Variants in FBN2 observed in about 807,000 individuals in gnomAD.
The protein encoded by FBN2 is fibrillin-2.
A neutral mutation model predicts 355.6 loss-of-function variants in FBN2; 105 were observed. That is an observed-to-expected ratio of 0.30 (90% CI 0.25 to 0.35). The LOEUF is 0.35. FBN2 is among the 10% of genes least tolerant of loss of function. The pLI is 1.00. For missense variants in FBN2, 3,280 were observed against 3,758.7 expected (o/e 0.87, Z 3.33); for synonymous variants, 1,350 against 1,301.2 (o/e 1.04, Z -0.81).
intron 7 of FBN2, among the ~76,000 whole-genome samples, chr5:128,433,982 T>TG (rs1324383123): frequency 2.6e-5 from 4 of 152,138 alleles, no homozygotes; most frequent in African/African-American, 9.7e-5. Context: ...ATTGATTTTG[T>TG]GTCTTCTAAA....
At chr5:128,398,678 T>G (rs538323330) in intron 8 of FBN2, among the ~76,000 whole-genome samples, 17 of 152,148 alleles carry the variant, frequency 1.1e-4, no homozygotes, top group Non-Finnish European at 2.4e-4. Context: ...AATGAAAAGC[T>G]AATTAGATGT....
In FBN2 at chr5:128,278,781, C is replaced by T; in HGVS notation, c.7199G>A (p.Ser2400Asn). ...VLQTICQMAS[S>N]SRNLVTKSEC... ...TGACTTAGTGACGAGATTGCGACTA[C>T]TGGATGCCATTTGACATATTGTCTG... Residue 2400 changes from serine (S) to asparagine (N), a missense_variant, in exon 57 of 65, where the codon AGT becomes AAT. By Grantham distance (46) the Ser-to-Asn change is conservative. Coordinates refer to ENST00000262464, the MANE Select transcript of FBN2 (RefSeq NM_001999.4). 1 of 1,614,090 alleles carries T rather than the reference C, an allele frequency of 6.2e-7. No homozygotes were observed. Among genetic ancestry groups the T allele is most frequent in the Non-Finnish European group, 8.5e-7 (1 of 1,179,992 alleles).
rs578131267 is a variant in FBN2, at chr5:128,423,302, AG to A, written c.953-14504del. Among the ~76,000 whole-genome samples, 13 of 152,338 alleles carry A rather than the reference AG, an allele frequency of 8.5e-5. No individual in the cohort carries two copies. In the South Asian group the frequency reaches 1.7e-3, roughly 19 times the overall value. Reference sequence around the variant, plus strand: ...ATACCTGAGACTGGGTAATTTATAAAGAAAAGAGGTTTAGTGAACTCACAGT... The same window carrying A: ...ATACCTGAGACTGGGTAATTTATAAAAAAAGAGGTTTAGTGAACTCACAGT... On this transcript the variant is annotated intron_variant, in intron 7 of 64. Transcript: ENST00000262464.
intron 7 of FBN2, among the ~76,000 whole-genome samples, chr5:128,417,043 GT>G (rs1437601449): frequency 5.3e-5 from 8 of 152,112 alleles, no homozygotes; most frequent in Non-Finnish European, 1.2e-4. Context: ...GTGTTTTGCA[GT>G]TTTCCTTATG....
chr5:128,445,061 G>C (rs1049153929), intron 7 of FBN2, among the ~76,000 whole-genome samples: 1 of 152,170 alleles, frequency 6.6e-6, no homozygotes, highest in Non-Finnish European at 1.5e-5. Context: ...TTGGTCTAAT[G>C]TGGGTGCTTC....
chr5:128,342,706 G>A (rs1288808776), intron 25 of FBN2, among the ~76,000 whole-genome samples: 3 of 151,966 alleles, frequency 2.0e-5, no homozygotes, highest in African/African-American at 7.2e-5. Context: ...TGTCACCGGA[G>A]GAGAGGGAGT....
chr5:128,395,252 G>C lies in FBN2; in HGVS notation c.1101C>G (p.Phe367Leu). The C allele has an allele frequency of 6.2e-7, 1 of 1,614,100 alleles. No individual in the cohort carries two copies. Among genetic ancestry groups the C allele is most frequent in the Non-Finnish European group, 8.5e-7 (1 of 1,180,002 alleles). ...CACAGCGGCCATTCACCAGGCCCGAGAAACACATGCCTGTTCTCTGATCTG... is the reference window on the plus strand; with the variant it reads ...CACAGCGGCCATTCACCAGGCCCGACAAACACATGCCTGTTCTCTGATCTG... ...RCIDQRTGMC[F>L]SGLVNGRCAQ... Residue 367 changes from phenylalanine (F) to leucine (L), a missense_variant, in exon 9 of 65, where the codon TTC (phenylalanine) becomes TTG (leucine). Around this residue, in one of 6 missense-constraint regions of FBN2, gnomAD observed 343 missense variants for 331.0 expected, o/e 1.04. Coordinates refer to ENST00000262464, the MANE Select transcript of FBN2 (RefSeq NM_001999.4).
At chr5:128,483,242 C>A (rs1304136156) in intron 5 of FBN2, among the ~76,000 whole-genome samples, 2 of 152,112 alleles carry the variant, frequency 1.3e-5, no homozygotes, top group Non-Finnish European at 2.9e-5. Flanking sequence ...TCAATCATAT[C>A]CCAAACCTCA....
chr5:128,478,481 T>G (rs1755063997), intron 5 of FBN2, among the ~76,000 whole-genome samples: 1 of 152,190 alleles, frequency 6.6e-6, no homozygotes, highest in Non-Finnish European at 1.5e-5. Flanking sequence ...GATTAACAGA[T>G]GAGGAAATAA....
At position 128,336,040 on chromosome 5, in the gene FBN2, C is replaced by T. The variant is rs960986330; in HGVS notation, c.3672G>A (p.Gln1224=). 2 of 1,614,012 alleles carry T rather than the reference C, an allele frequency of 1.2e-6. No homozygotes were observed. Residue 1224 remains glutamine, a synonymous_variant, in exon 28 of 65, where the codon CAG becomes CAA. Transcript: ENST00000262464. ...CCTGATATCCAGGATTGCAAGAGCACTGATAGGTTCCAATCATGTTCACAC... is the reference window on the plus strand; with the variant it reads ...CCTGATATCCAGGATTGCAAGAGCATTGATAGGTTCCAATCATGTTCACAC... ...GKCVNMIGTY[Q]CSCNPGYQAT...
chr5:128,412,463 C>T (rs1216505997), intron 7 of FBN2, among the ~76,000 whole-genome samples: 1 of 152,190 alleles, frequency 6.6e-6, no homozygotes, highest in Non-Finnish European at 1.5e-5. Context: ...GGGTCACATG[C>T]TAATTTCTGA....
chr5:128,509,351 T>C (rs1393200636), intron 5 of FBN2, among the ~76,000 whole-genome samples: 1 of 152,162 alleles, frequency 6.6e-6, no homozygotes, highest in Non-Finnish European at 1.5e-5. Context: ...TTTTCGCCTA[T>C]AATGTCTCAT....
In FBN2 at chr5:128,272,166, A is replaced by T. The variant is rs755025695; in HGVS notation, c.7841-48T>A. 8 of 1,612,196 alleles carry T rather than the reference A, an allele frequency of 5.0e-6. No individual in the cohort carries two copies. The South Asian group carries it at 7.7e-5, about 15-fold the overall frequency. On this transcript the variant is annotated intron_variant, in intron 61 of 64. Coordinates refer to ENST00000262464, the MANE Select transcript of FBN2 (RefSeq NM_001999.4). Reference sequence around the variant, plus strand: ...ACCTTTATGTCACCTTTCTTCTACTATTTTTAAATGCACTCCAAACGAAAC... The same window carrying T: ...ACCTTTATGTCACCTTTCTTCTACTTTTTTTAAATGCACTCCAAACGAAAC...
At chr5:128,263,860 T>G (rs1458687660) in intron 62 of FBN2, among the ~76,000 whole-genome samples, 2 of 152,244 alleles carry the variant, frequency 1.3e-5, no homozygotes, top group African/African-American at 4.8e-5. Flanking sequence ...CTTGCTTTGC[T>G]CTTTTCTGTT....
intron 46 of FBN2, among the ~76,000 whole-genome samples, chr5:128,302,100 G>A (rs1749735595): frequency 6.6e-6 from 1 of 152,160 alleles, no homozygotes; most frequent in Non-Finnish European, 1.5e-5. Flanking sequence ...TGAATAAAAT[G>A]TCCAATTAGC....
chr5:128,433,720 T>C (rs1172379530), intron 7 of FBN2, among the ~76,000 whole-genome samples: 2 of 152,216 alleles, frequency 1.3e-5, no homozygotes, highest in Non-Finnish European at 2.9e-5. Flanking sequence ...AATTTTCCTC[T>C]GCCGTTCACC....
At chr5:128,293,885 G>C (rs1230698178) in intron 48 of FBN2, among the ~76,000 whole-genome samples, 2 of 151,918 alleles carry the variant, frequency 1.3e-5, no homozygotes, top group African/African-American at 2.4e-5. Context: ...TGTGCACAAT[G>C]TGCAGGTTAG....
chr5:128,446,605 A>G lies in FBN2; in HGVS notation c.828T>C (p.Asp276=). ...CTGGGATAGCCTGGCATTCATCAAC[A>G]TCTGCAAGAAGAAAACATTTTGAAC... ...IPNIRTGACQ[D]VDECQAIPGI... Residue 276 remains aspartate (D), a splice_region_variant and synonymous_variant, in exon 7 of 65, where the codon GAT becomes GAC. Coordinates refer to ENST00000262464, the MANE Select transcript of FBN2 (RefSeq NM_001999.4). 1.9e-6 allele frequency: 3 copies of G among 1,613,456 alleles called. No individual in the cohort carries two copies. The highest frequency in any genetic ancestry group is 1.7e-6 in the Non-Finnish European group (2 of 1,179,592).
At chr5:128,485,006 T>C (rs1057262272) in intron 5 of FBN2, among the ~76,000 whole-genome samples, 2 of 150,684 alleles carry the variant, frequency 1.3e-5, no homozygotes, top group Non-Finnish European at 2.9e-5. Context: ...TAAAAGAAAC[T>C]CTTGCATAAA....
Sources: gnomAD v4.1 joint callset for allele counts (sites outside exome capture counted in the v4.1 genomes callset) on GRCh38, gnomAD v4.1.1 for gene constraint, gnomAD v4.1.1 regional missense constraint, MANE v1.5 for transcripts, NCBI Gene and HGNC (gene_info 2026-07-23, HGNC 2026-07-21) for gene names.